SUSD3: variants seen among roughly 807,000 people sequenced by gnomAD.
SUSD3 encodes the protein sushi domain containing 3.
A neutral mutation model predicts 20.6 loss-of-function variants in SUSD3; 18 were observed. The ratio of observed to expected loss-of-function variants is 0.87; its 90% CI spans 0.60 to 1.30. SUSD3 has a LOEUF of 1.30. SUSD3 is among the 50% of genes most tolerant of loss of function. The pLI, the probability that SUSD3 is intolerant of heterozygous loss-of-function variation, is 0.00. For missense variants in SUSD3, 306 were observed against 346.9 expected (o/e 0.88, Z 0.94); for synonymous variants, 137 against 141.5 (o/e 0.97, Z 0.23).
intron 1 of SUSD3, among the ~76,000 whole-genome samples, chr9:93,071,088 G>A (rs950598084): frequency 6.6e-6 from 1 of 152,196 alleles, no homozygotes; most frequent in African/African-American, 2.4e-5. Context: ...CTCTTCTTAG[G>A]ATCCGAGAGG....
At chr9:93,083,244 C>G (rs1826495021) in intron 4 of SUSD3, among the ~76,000 whole-genome samples, 1 of 152,182 alleles carries the variant, frequency 6.6e-6, no homozygotes, top group Non-Finnish European at 1.5e-5. Context: ...CTCTCTCACA[C>G]ATGGAGACCT....
chr9:93,073,387 C>T (rs574082437), intron 1 of SUSD3, among the ~76,000 whole-genome samples: 1 of 152,070 alleles, frequency 6.6e-6, no homozygotes, highest in Non-Finnish European at 1.5e-5. Flanking sequence ...GCTGGGACTT[C>T]AGGCGCCCGC....
At chr9:93,076,880 C>T (rs1413068233) in intron 2 of SUSD3, among the ~76,000 whole-genome samples, 1 of 152,230 alleles carries the variant, frequency 6.6e-6, no homozygotes, top group Non-Finnish European at 1.5e-5. Context: ...CAGCTATGTT[C>T]CAGGCAGCTG....
intron 4 of SUSD3, among the ~76,000 whole-genome samples, chr9:93,080,105 A>G (rs1189417243): frequency 6.6e-6 from 1 of 152,066 alleles, no homozygotes; most frequent in African/African-American, 2.4e-5. Flanking sequence ...AGGTGGGAGG[A>G]TCACCTGAGG....
chr9:93,078,737 A>C (rs970450734), intron 3 of SUSD3, among the ~76,000 whole-genome samples: 1 of 151,990 alleles, frequency 6.6e-6, no homozygotes, highest in Non-Finnish European at 1.5e-5. Flanking sequence ...TTTTTTCCCC[A>C]TGGTAATTTA....
At chr9:93,067,587 G>A (rs899114923) in intron 1 of SUSD3, among the ~76,000 whole-genome samples, 3 of 150,908 alleles carry the variant, frequency 2.0e-5, no homozygotes, top group South Asian at 2.1e-4. Context: ...CTAACACTTC[G>A]TATTGTCTGT....
intron 1 of SUSD3, among the ~76,000 whole-genome samples, chr9:93,075,557 A>G (rs940425763): frequency 1.2e-4 from 18 of 151,198 alleles, no homozygotes; most frequent in African/African-American, 3.9e-4. Context: ...TAATGCTCCA[A>G]TCCTCAACAT....
chr9:93,059,658 G>C (rs1237686193), intron 1 of SUSD3, among the ~76,000 whole-genome samples: 1 of 152,180 alleles, frequency 6.6e-6, no homozygotes, highest in Non-Finnish European at 1.5e-5. Flanking sequence ...CTCAGGCGTT[G>C]CGGGGCTAAG....
At chr9:93,075,736 G>GGCCACCCC in intron 1 of SUSD3, 48 bp from the exon 2 acceptor site, 1 of 272,216 alleles carries the variant, frequency 3.7e-6, no homozygotes, top group Non-Finnish European at 6.2e-6. Flanking sequence ...TGCCCTGCGT[G>GGCCACCCC]CCCACCCCCC....
chr9:93,058,840 G>A lies in SUSD3; in HGVS notation c.88+10G>A, dbSNP rs1450986895. 1.6e-6 allele frequency: 2 copies of A among 1,263,472 alleles called. No individual in the cohort carries two copies. Among genetic ancestry groups the A allele is most frequent in the Non-Finnish European group, 1.0e-6 (1 of 1,002,160 alleles). 78.3% of individuals were successfully genotyped at this position (1,263,472 alleles called of 1,614,324 possible). A position where few individuals can be genotyped will look rare whatever the true frequency, so the allele number is the denominator to read the frequency against. On this transcript the variant is annotated intron_variant, in intron 1 of 4. Transcript: ENST00000375472. ...CCAGGGAACCGCACAGGTGAGGGCTGGGGCCGAGTGGCCGCGTGCGGGGCT... is the reference window on the plus strand; with the variant it reads ...CCAGGGAACCGCACAGGTGAGGGCTAGGGCCGAGTGGCCGCGTGCGGGGCT...
intron 2 of SUSD3, among the ~76,000 whole-genome samples, chr9:93,076,977 C>A (rs1401709350): frequency 6.6e-6 from 1 of 152,264 alleles, no homozygotes; most frequent in Admixed American, 6.5e-5. Flanking sequence ...CACTTCTTAT[C>A]TTCCACTGGC....
chr9:93,075,744 C>CCG (rs1482251432), intron 1 of SUSD3, 40 bp from the exon 2 acceptor site: 2 of 175,460 alleles, frequency 1.1e-5, no homozygotes, highest in Non-Finnish European at 2.3e-5. Flanking sequence ...GTGCCCACCC[C>CCG]CCCCCCCCCG....
intron 1 of SUSD3, among the ~76,000 whole-genome samples, chr9:93,074,530 G>A (rs528879265): frequency 3.3e-5 from 5 of 150,266 alleles, no homozygotes; most frequent in Admixed American, 1.3e-4. Context: ...ATTCCCTCCT[G>A]CTGGAGGCGT....
intron 3 of SUSD3, 146 bp downstream of exon 3, chr9:93,078,139 C>A (rs1334945692): frequency 1.7e-6 from 2 of 1,148,116 alleles, no homozygotes; most frequent in Non-Finnish European, 2.5e-6. Flanking sequence ...CCTGCGTCTC[C>A]CCCCCAAGTG....
intron 4 of SUSD3, among the ~76,000 whole-genome samples, chr9:93,080,294 G>C (rs1826355776): frequency 6.8e-6 from 1 of 146,944 alleles, no homozygotes; most frequent in Non-Finnish European, 1.5e-5. Context: ...ACTCCAGCCT[G>C]GGCGACAGAG....
At chr9:93,080,556 G>A (rs74901198) in intron 4 of SUSD3, among the ~76,000 whole-genome samples, 2,415 of 152,272 alleles carry the variant, frequency 0.016, 62 homozygotes, top group African/African-American at 0.054. Flanking sequence ...GACCAGGCCC[G>A]GCTCTGCATT....
intron 1 of SUSD3, among the ~76,000 whole-genome samples, chr9:93,063,711 C>T (rs1482785471): frequency 6.6e-6 from 1 of 152,112 alleles, no homozygotes; most frequent in Non-Finnish European, 1.5e-5. Context: ...CCTACCCTCC[C>T]TCCTACCAGT....
At chr9:93,079,626 A>G (rs746193024) in intron 4 of SUSD3, 24 bp downstream of exon 4, 5 of 1,611,552 alleles carry the variant, frequency 3.1e-6, no homozygotes, top group Non-Finnish European at 4.2e-6. Context: ...TGGGTAGGGG[A>G]CATGCTGGGG....
chr9:93,068,098 C>T (rs753261778), intron 1 of SUSD3, among the ~76,000 whole-genome samples: 1 of 152,266 alleles, frequency 6.6e-6, no homozygotes, highest in East Asian at 1.9e-4. Flanking sequence ...TTTATATGTT[C>T]TAGACACATG....
Sources: allele counts gnomAD v4.1 joint callset (sites outside exome capture counted in the v4.1 genomes callset), GRCh38; gene constraint gnomAD v4.1.1; transcripts MANE v1.5; gene names NCBI Gene and HGNC (gene_info 2026-07-23, HGNC 2026-07-21).